Variants in SLC71A2 observed in about 807,000 individuals in gnomAD.
The protein encoded by SLC71A2 is solute carrier family 71 member 2, also known as hippocampus abundant transcript-like 1.
the SLC71A2 span, chr9:94,459,142 T>A: frequency 1.9e-6 from 3 of 1,608,778 alleles, no homozygotes; most frequent in Non-Finnish European, 2.6e-6. Context: ...TGTCTCCACT[T>A]GTTTTCCACG....
the SLC71A2 span, among the ~76,000 whole-genome samples, chr9:94,407,534 A>G: frequency 6.6e-6 from 1 of 152,030 alleles, no homozygotes; most frequent in Admixed American, 6.6e-5. Flanking sequence ...ACGCACTACC[A>G]CGCCCGGCTA....
chr9:94,389,465 G>A, the SLC71A2 span, among the ~76,000 whole-genome samples: 1 of 151,326 alleles, frequency 6.6e-6, no homozygotes, highest in African/African-American at 2.4e-5. Flanking sequence ...TTTCAGTAGG[G>A]ACGAGGCTTC....
chr9:94,422,935 C>CTT, the SLC71A2 span, among the ~76,000 whole-genome samples: 20 of 134,640 alleles, frequency 1.5e-4, no homozygotes, highest in East Asian at 3.1e-3. Flanking sequence ...GTCTTTCTTC[C>CTT]TTTTTTTTTT....
At chr9:94,386,529 G>A in the SLC71A2 span, among the ~76,000 whole-genome samples, 7 of 151,790 alleles carry the variant, frequency 4.6e-5, no homozygotes, top group African/African-American at 9.7e-5. Flanking sequence ...ACATGCATGT[G>A]CTTATCAGTA....
chr9:94,389,311 G>C, the SLC71A2 span, among the ~76,000 whole-genome samples: 1 of 151,806 alleles, frequency 6.6e-6, no homozygotes, highest in African/African-American at 2.4e-5. Flanking sequence ...TGTTGCCCAG[G>C]CTGGAGTGCA....
chr9:94,457,043 T>C, the SLC71A2 span, among the ~76,000 whole-genome samples: 1 of 144,568 alleles, frequency 6.9e-6, no homozygotes, highest in Admixed American at 7.2e-5. Context: ...CTTGGCTCCC[T>C]GCAGCCTCCG....
chr9:94,384,161 T>C, the SLC71A2 span, among the ~76,000 whole-genome samples: 1 of 152,140 alleles, frequency 6.6e-6, no homozygotes, highest in East Asian at 1.9e-4. Context: ...TTTTTTGCCA[T>C]CCTCCCATTC....
chr9:94,439,419 G>GT, the SLC71A2 span, among the ~76,000 whole-genome samples: 25 of 150,810 alleles, frequency 1.7e-4, no homozygotes, highest in East Asian at 1.9e-3. Context: ...TAACTTAGTT[G>GT]TTTTTTTTGG....
chr9:94,387,247 TC>T, the SLC71A2 span, among the ~76,000 whole-genome samples: 1 of 152,306 alleles, frequency 6.6e-6, no homozygotes, highest in African/African-American at 2.4e-5. Context: ...GCTTGCCACG[TC>T]CCTTTCTGCA....
the SLC71A2 span, among the ~76,000 whole-genome samples, chr9:94,400,982 T>G: frequency 1.3e-5 from 2 of 152,240 alleles, no homozygotes; most frequent in East Asian, 1.9e-4. Flanking sequence ...CAGACTTGCT[T>G]CTTTCATTTA....
chr9:94,417,717 C>T, the SLC71A2 span, among the ~76,000 whole-genome samples: 2 of 152,090 alleles, frequency 1.3e-5, no homozygotes, highest in Admixed American at 6.6e-5. Context: ...GTTTATTTTA[C>T]TTGGGGTTTG....
the SLC71A2 span, among the ~76,000 whole-genome samples, chr9:94,441,854 C>T: frequency 1.3e-5 from 2 of 152,182 alleles, no homozygotes; most frequent in African/African-American, 4.8e-5. Context: ...TTCTGATTTT[C>T]TCAGGCATGA....
At chr9:94,426,135 G>A in the SLC71A2 span, among the ~76,000 whole-genome samples, 4 of 148,616 alleles carry the variant, frequency 2.7e-5, no homozygotes, top group East Asian at 2.1e-4. Context: ...ATAGGATTAT[G>A]TGGTCATAGG....
chr9:94,411,114 G>T, the SLC71A2 span, among the ~76,000 whole-genome samples: 1 of 151,402 alleles, frequency 6.6e-6, no homozygotes, highest in Admixed American at 6.6e-5. Flanking sequence ...AATTGTTAAG[G>T]AGACTGTAAG....
At chr9:94,406,990 T>A in the SLC71A2 span, among the ~76,000 whole-genome samples, 1 of 152,194 alleles carries the variant, frequency 6.6e-6, no homozygotes, top group South Asian at 2.1e-4. Flanking sequence ...GTTTCTGATC[T>A]TAGAGGAAAA....
chr9:94,459,659 T>C, the SLC71A2 span: 1 of 435,288 alleles, frequency 2.3e-6, no homozygotes, highest in African/African-American at 2.0e-5. Context: ...TTGCAAATAA[T>C]GTGCAACTCC....
At chr9:94,415,164 G>A in the SLC71A2 span, 25 of 1,612,444 alleles carry the variant, frequency 1.6e-5, no homozygotes, top group Non-Finnish European at 1.9e-5. Flanking sequence ...TTAGCTACAA[G>A]GCTTTGGCCG....
chr9:94,443,877 A>C, the SLC71A2 span, among the ~76,000 whole-genome samples: 1 of 152,330 alleles, frequency 6.6e-6, no homozygotes, highest in Non-Finnish European at 1.5e-5. Context: ...TGTCTTCTTC[A>C]TCTGGTACAT....
At chr9:94,437,211 A>T in the SLC71A2 span, among the ~76,000 whole-genome samples, 20 of 141,466 alleles carry the variant, frequency 1.4e-4, no homozygotes, top group Non-Finnish European at 2.8e-4. Flanking sequence ...GGAGTGTCCT[A>T]TTTATGTGAT....
Sources: gnomAD v4.1 joint callset for allele counts (sites outside exome capture counted in the v4.1 genomes callset) on GRCh38, gnomAD v4.1.1 for gene constraint, MANE v1.5 for transcripts, NCBI Gene and HGNC (gene_info 2026-07-23, HGNC 2026-07-21) for gene names.